The following PRKCQ variants were observed in gnomAD, a reference collection of about 807,000 sequenced individuals.
The protein encoded by PRKCQ is protein kinase C theta type.
In PRKCQ, 41 loss-of-function variants were observed where a neutral mutation model predicts 91.2. That is an observed-to-expected ratio of 0.45 (90% CI 0.35 to 0.58). PRKCQ has a LOEUF of 0.58. Among genes scored for constraint, PRKCQ ranks in the 20% least tolerant of loss-of-function variants. PRKCQ has a pLI of 0.00. For missense variants in PRKCQ, 673 were observed against 896.5 expected (o/e 0.75, Z 3.18); for synonymous variants, 307 against 316.9 (o/e 0.97, Z 0.33).
downstream of PRKCQ, among the ~76,000 whole-genome samples, chr10:6,422,733 A>G (rs888608843): frequency 6.6e-6 from 1 of 152,202 alleles, no homozygotes; most frequent in Non-Finnish European, 1.5e-5. Context: ...GGTGCATTCC[A>G]ACAGCATATT....
chr10:6,510,862 G>A (rs1588359112), intron 3 of PRKCQ, 133 bp downstream of exon 3: 4 of 886,820 alleles, frequency 4.5e-6, no homozygotes, highest in East Asian at 2.5e-5. Context: ...CAAATCACCA[G>A]TAGGAAGTGG....
At chr10:6,541,987 ATTTAAG>A (rs1437994421) in intron 1 of PRKCQ, among the ~76,000 whole-genome samples, 2 of 152,170 alleles carry the variant, frequency 1.3e-5, no homozygotes, top group African/African-American at 4.8e-5. Context: ...ATTCTGCGCT[ATTTAAG>A]TTTAAGGTCA....
rs1484594358 is a variant in PRKCQ at position 6,456,744 on chromosome 10, C to A, written c.1577G>T (p.Cys526Phe). Residue 526 changes from cysteine to phenylalanine, a missense_variant, in exon 15 of 18, where the codon TGC becomes TTC. Transcript: ENST00000263125. ...GGCATCTCCTAACATGTTCTCCTTG[C>A]ACATTCCAAAATCCGCGATCTTGAT... ...GHIKIADFGMCKENMLGDAKT... is the reference protein window; with the variant it reads ...GHIKIADFGMFKENMLGDAKT... The A allele has an allele frequency of 6.2e-7, 1 of 1,614,030 alleles. No homozygotes were observed. The highest frequency in any genetic ancestry group is 8.5e-7 in the Non-Finnish European group (1 of 1,180,016).
At position 6,428,058 on chromosome 10, in the gene PRKCQ, A is replaced by C; in HGVS notation, c.*149T>G. 1 of 958,266 alleles carries C rather than the reference A, an allele frequency of 1.0e-6. No homozygotes were observed. The allele number at this position is 958,266 out of a possible 1,614,324, so 59.4% of individuals were successfully genotyped here. A position where few individuals can be genotyped will look rare whatever the true frequency, so the allele number is the denominator to read the frequency against. ...GAAGTAGACTTGGTTTCTGCTACAGATAAAAGTCACATGGGGGCGAACGGG... is the reference window on the plus strand; with the variant it reads ...GAAGTAGACTTGGTTTCTGCTACAGCTAAAAGTCACATGGGGGCGAACGGG... On this transcript the variant is annotated 3_prime_UTR_variant, in exon 18 of 18. Coordinates refer to ENST00000263125, the MANE Select transcript of PRKCQ (RefSeq NM_006257.5).
rs527420877 is a variant in PRKCQ at position 6,471,773 on chromosome 10, A to G, written c.1353+7219T>C. On this transcript the variant is annotated intron_variant, in intron 12 of 17. Coordinates refer to ENST00000263125, the MANE Select transcript of PRKCQ (RefSeq NM_006257.5). The stretch of plus-strand genomic sequence containing the variant: ...TCAAAACAAACAAACAAACACAACA[A>G]TGACAACAACAACAACAAAAAACAA... 2.6e-5 allele frequency among the ~76,000 whole-genome samples: 4 copies of G among 152,064 alleles called. No homozygotes were observed. In the South Asian group the frequency reaches 8.3e-4, roughly 32 times the overall value.
intron 15 of PRKCQ, among the ~76,000 whole-genome samples, chr10:6,451,879 C>T (rs1239073972): frequency 6.6e-6 from 1 of 152,160 alleles, no homozygotes; most frequent in Non-Finnish European, 1.5e-5. Flanking sequence ...TTCAACAACC[C>T]TTCATGCTAA....
At chr10:6,462,429 C>T (rs1835402736) in intron 13 of PRKCQ, 64 bp from the exon 14 acceptor site, 1 of 1,472,180 alleles carries the variant, frequency 6.8e-7, no homozygotes, top group African/African-American at 1.4e-5. Flanking sequence ...AATCCCAAAC[C>T]CAGACTGACC....
intron 15 of PRKCQ, among the ~76,000 whole-genome samples, chr10:6,449,860 A>ATACTT (rs1180084828): frequency 6.6e-6 from 1 of 152,230 alleles, no homozygotes; most frequent in African/African-American, 2.4e-5. Flanking sequence ...GAGAAATAAA[A>ATACTT]TACTTTACAG....
intron 8 of PRKCQ, among the ~76,000 whole-genome samples, chr10:6,490,960 T>G (rs1275769819): frequency 6.6e-6 from 1 of 152,096 alleles, no homozygotes; most frequent in African/African-American, 2.4e-5. Flanking sequence ...CGTTATCGCC[T>G]TAGCAACTTG....
the PRKCQ span, among the ~76,000 whole-genome samples, chr10:6,404,255 G>GGAGAGAGAGGGAGAGA: frequency 2.9e-5 from 1 of 34,360 alleles, no homozygotes; most frequent in Non-Finnish European, 6.1e-5. Flanking sequence ...GAAGGGGGGG[G>GGAGAGAGAGGGAGAGA]GAGAGAGAGA....
chr10:6,455,986 G>A (rs1564312747), intron 15 of PRKCQ, among the ~76,000 whole-genome samples: 3 of 152,198 alleles, frequency 2.0e-5, no homozygotes, highest in African/African-American at 7.2e-5. Flanking sequence ...TGTGCCATGG[G>A]AAAGACCAAG....
downstream of PRKCQ, among the ~76,000 whole-genome samples, chr10:6,424,841 AAAG>A (rs1483373548): frequency 6.6e-6 from 1 of 152,126 alleles, no homozygotes; most frequent in African/African-American, 2.4e-5. Context: ...TATCTTCCAA[AAAG>A]AAGCACTGAT....
intron 9 of PRKCQ, 131 bp downstream of exon 9, chr10:6,485,904 A>C: frequency 2.8e-6 from 2 of 712,048 alleles, no homozygotes; most frequent in Non-Finnish European, 4.7e-6. Flanking sequence ...ATGAAAGCCA[A>C]GGGCAAGGCC....
intron 1 of PRKCQ, among the ~76,000 whole-genome samples, chr10:6,546,475 G>A (rs544846210): frequency 1.3e-5 from 2 of 152,302 alleles, no homozygotes; most frequent in African/African-American, 4.8e-5. Context: ...TTATACTTAG[G>A]TATTTTACTC....
At chr10:6,420,306 C>T in the PRKCQ span, among the ~76,000 whole-genome samples, 2 of 152,190 alleles carry the variant, frequency 1.3e-5, no homozygotes, top group Non-Finnish European at 2.9e-5. Flanking sequence ...TGGGCTTCTT[C>T]CCTAAGGGAG....
chr10:6,523,429 C>T (rs1361593708), intron 1 of PRKCQ, among the ~76,000 whole-genome samples: 3 of 151,910 alleles, frequency 2.0e-5, no homozygotes, highest in South Asian at 2.1e-4. Flanking sequence ...CCAGCCTGGG[C>T]GACAAAGCAA....
At chr10:6,478,205 A>G (rs930208749) in intron 12 of PRKCQ, among the ~76,000 whole-genome samples, 1 of 152,228 alleles carries the variant, frequency 6.6e-6, no homozygotes, top group African/African-American at 2.4e-5. Flanking sequence ...AGTACAGTGC[A>G]GTAGGTATTT....
chr10:6,490,112 G>A (rs1172425080), intron 8 of PRKCQ, among the ~76,000 whole-genome samples: 1 of 151,784 alleles, frequency 6.6e-6, no homozygotes, highest in Non-Finnish European at 1.5e-5. Flanking sequence ...GAACAGGGGT[G>A]TAGAGAAAAG....
At chr10:6,456,857 T>C (rs762953141) in intron 14 of PRKCQ, 45 bp from the exon 15 acceptor site, 2 of 1,604,794 alleles carry the variant, frequency 1.2e-6, no homozygotes, top group African/African-American at 1.3e-5. Flanking sequence ...TCAATATAAT[T>C]TGGTTAACAT....
Sources: allele counts gnomAD v4.1 joint callset (sites outside exome capture counted in the v4.1 genomes callset), GRCh38; gene constraint gnomAD v4.1.1; transcripts MANE v1.5; gene names NCBI Gene and HGNC (gene_info 2026-07-23, HGNC 2026-07-21).